The following LRRC37B variants were observed in gnomAD, a reference collection of about 807,000 sequenced individuals.
The protein encoded by LRRC37B is leucine-rich repeat-containing protein 37B.
A neutral mutation model predicts 98.3 loss-of-function variants in LRRC37B; 28 were observed. That is an observed-to-expected ratio of 0.28 (90% confidence interval 0.21 to 0.39). The LOEUF is 0.39. Ranked by LOEUF, LRRC37B falls within the 10% of genes least tolerant of loss-of-function variation. LRRC37B has a pLI of 1.00. For synonymous variants in LRRC37B, 364 were observed against 442.7 expected, an observed-to-expected ratio of 0.82 and a Z score of 2.23; for missense variants, 938 against 1,182.7, an observed-to-expected ratio of 0.79 and a Z score of 3.03.
rs534483952 is a variant in LRRC37B at position 32,027,948 on chromosome 17, C to A, written c.1904+108C>A. 1.9e-4 allele frequency: 151 copies of A among 783,814 alleles called. 1 individual carries two copies. The Admixed American group carries it at 4.2e-3, about 22-fold the overall frequency. The allele number at this position is 783,814 out of a possible 1,614,324, so 48.6% of individuals were successfully genotyped here. A position where few individuals can be genotyped will look rare whatever the true frequency, so the allele number is the denominator to read the frequency against. ...GATTTCTTCCAGCAATAAAATTCTG[C>A]AATTCTGTAAGTTTGTATAGGGTCT... is the stretch of plus-strand genomic sequence containing the variant. On this transcript the variant is annotated intron_variant, in intron 3 of 11. Coordinates refer to ENST00000327564, the Ensembl canonical transcript of LRRC37B.
In LRRC37B at chr17:32,046,599, CT is replaced by C. The variant is rs796570580; in HGVS notation, c.2323+799del. Among the ~76,000 whole-genome samples, 338 of 132,844 alleles carry C rather than the reference CT, an allele frequency of 2.5e-3. 1 individual carries two copies. Among genetic ancestry groups the C allele is most frequent in the Middle Eastern group, 3.8e-3 (1 of 262 alleles). 87.2% of individuals were successfully genotyped at this position (132,844 alleles called of 152,430 possible). A position where few individuals can be genotyped will look rare whatever the true frequency, so the allele number is the denominator to read the frequency against. On this transcript the variant is annotated intron_variant, in intron 8 of 11. Transcript: ENST00000327564. Reference sequence around the variant, plus strand: ...ATTTTTCAAAACTTTTTCTTTTTTTCTTTTTTTTTTTTTTTTTTACCAATTA... The same window carrying C: ...ATTTTTCAAAACTTTTTCTTTTTTTCTTTTTTTTTTTTTTTTTACCAATTA...
intron 1 of LRRC37B, among the ~76,000 whole-genome samples, chr17:32,011,520 C>G (rs1237523320): frequency 6.7e-6 from 1 of 148,996 alleles, no homozygotes; most frequent in Admixed American, 6.7e-5. Flanking sequence ...TTTTTTAAGA[C>G]AGAATCTAGC....
Position 32,021,730 on chromosome 17 carries a change from A to T in LRRC37B, c.665A>T (p.Asp222Val), listed in dbSNP as rs1341071821. 1.8e-5 allele frequency: 29 copies of T among 1,614,224 alleles called. No homozygotes were observed. The East Asian group carries it at 6.5e-4, about 36-fold the overall frequency. The change falls in exon 1 of 12, where the codon GAT becomes GTT. Residue 222 changes from aspartate (D) to valine (V), a missense_variant. Asp to Val is a radical substitution (Grantham distance 152, BLOSUM62 -3). Coordinates refer to ENST00000327564, the Ensembl canonical transcript of LRRC37B. The stretch of plus-strand genomic sequence containing the variant: ...GTTTCGCCCAAGAACCTGAAGAAAG[A>T]TCTAGCTGAACGTTGGAGCCTTCCT...
At chr17:32,012,058 G>C (rs900056220) in intron 1 of LRRC37B, among the ~76,000 whole-genome samples, 12 of 152,148 alleles carry the variant, frequency 7.9e-5, no homozygotes, top group African/African-American at 2.7e-4. Flanking sequence ...TTTGTATATG[G>C]CCTGAAACAT....
chr17:32,046,742 C>G (rs867750257), intron 8 of LRRC37B, among the ~76,000 whole-genome samples: 3 of 152,030 alleles, frequency 2.0e-5, no homozygotes, highest in Non-Finnish European at 2.9e-5. Context: ...GGTCTTCTGT[C>G]CCCAATTCTG....
At chr17:32,021,124 A>G (rs773016003) in exon 1 of LRRC37B, 2 of 1,614,126 alleles carry the variant, frequency 1.2e-6, no homozygotes, top group Non-Finnish European at 1.7e-6. Flanking sequence ...GCTTTTGCTG[A>G]GTGCATAGCA....
chr17:32,014,701 TATAG>T (rs201573145), intron 1 of LRRC37B, among the ~76,000 whole-genome samples: 2,115 of 152,066 alleles, frequency 0.014, 37 homozygotes, highest in African/African-American at 0.045. Context: ...TGTATGTAGA[TATAG>T]ATAGATAGAT....
exon 1 of LRRC37B, chr17:32,008,058 A>T (rs571199386): frequency 2.0e-6 from 1 of 512,584 alleles, no homozygotes; most frequent in African/African-American, 2.0e-5. Context: ...GATGACTCCG[A>T]TTATCCGGAG....
chr17:32,040,444 G>T, intron 7 of LRRC37B: 1 of 573,140 alleles, frequency 1.7e-6, no homozygotes, highest in Admixed American at 2.2e-5. Context: ...CCTGTCGGTT[G>T]CAGGGCTGAA....
intron 1 of LRRC37B, among the ~76,000 whole-genome samples, chr17:32,008,702 T>C (rs1910464916): frequency 6.6e-6 from 1 of 152,228 alleles, no homozygotes; most frequent in South Asian, 2.1e-4. Flanking sequence ...TCATTTTGGT[T>C]AGTAGGGGAA....
chr17:32,024,335 C>T (rs1411446325), intron 1 of LRRC37B: 9 of 573,790 alleles, frequency 1.6e-5, no homozygotes, highest in African/African-American at 9.5e-5. Flanking sequence ...ACTTATTTAT[C>T]GATAAAGATA....
chr17:32,024,176 G>A (rs1280966202), intron 1 of LRRC37B, among the ~76,000 whole-genome samples: 2 of 151,666 alleles, frequency 1.3e-5, no homozygotes, highest in African/African-American at 2.4e-5. Flanking sequence ...CTTATTTCAG[G>A]GAGACAAAAT....
chr17:32,042,346 C>T (rs1911463766), intron 7 of LRRC37B: 1 of 175,310 alleles, frequency 5.7e-6, no homozygotes, highest in Non-Finnish European at 1.2e-5. Flanking sequence ...CAGCCACCTA[C>T]ACACCCCCCC....
At chr17:32,041,469 A>G (rs527301139) in intron 7 of LRRC37B, 86 of 674,972 alleles carry the variant, frequency 1.3e-4, no homozygotes, top group African/African-American at 4.8e-4. Context: ...CATGCTGGAC[A>G]GCCAGTTGGG....
exon 12 of LRRC37B, chr17:32,053,416 T>G: frequency 1.2e-6 from 1 of 836,396 alleles, no homozygotes; most frequent in Non-Finnish European, 1.9e-6. Context: ...AATGAAAACT[T>G]TCTTTACTTT....
intron 7 of LRRC37B, chr17:32,042,803 T>G (rs1402310542): frequency 7.0e-6 from 1 of 143,268 alleles, no homozygotes; most frequent in East Asian, 2.1e-4. Flanking sequence ...TATGCCCGAA[T>G]TTTGTAAACA....
chr17:32,007,957 CGAG>C (rs1567845406), upstream of LRRC37B: 82 of 536,004 alleles, frequency 1.5e-4, no homozygotes, highest in South Asian at 2.1e-4. The surrounding 1 kb of genome is among the most constrained non-coding windows in gnomAD (Gnocchi z 4.1). Flanking sequence ...ACTACGAGAG[CGAG>C]GAGGAGGAGT....
chr17:32,051,495 A>G (rs1477814068), intron 11 of LRRC37B: 3 of 151,674 alleles, frequency 2.0e-5, no homozygotes, highest in East Asian at 1.9e-4. Flanking sequence ...AAAAAAAAAA[A>G]AAAAGAAAGA....
chr17:32,040,501 G>A (rs137974942), intron 7 of LRRC37B: 2 of 687,652 alleles, frequency 2.9e-6, no homozygotes, highest in Non-Finnish European at 5.4e-6. Context: ...GAAGGTCGGA[G>A]GGGCTGAGGG....
Sources: allele counts gnomAD v4.1 joint callset (sites outside exome capture counted in the v4.1 genomes callset), GRCh38; gene constraint gnomAD v4.1.1; non-coding constraint Gnocchi (gnomAD v3.1); transcripts MANE v1.5; gene names NCBI Gene and HGNC (gene_info 2026-07-23, HGNC 2026-07-21).